HCRTR1: variants seen among roughly 807,000 people sequenced by gnomAD.
HCRTR1 encodes the protein orexin/Hypocretin receptor type 1.
HCRTR1 carries 28 observed loss-of-function variants against 40.6 expected under a neutral mutation model. The ratio of observed to expected loss-of-function variants is 0.69; its 90% confidence interval spans 0.51 to 0.95. The LOEUF (loss-of-function observed/expected upper bound fraction) is 0.95. HCRTR1 is among the 40% of genes least tolerant of loss of function. The pLI, the probability that HCRTR1 is intolerant of heterozygous loss-of-function variation, is 0.00. For synonymous variants in HCRTR1, 209 were observed against 230.0 expected, an observed-to-expected ratio of 0.91 and a Z score of 0.83; for missense variants, 482 against 564.7, an observed-to-expected ratio of 0.85 and a Z score of 1.48.
At position 31,620,983 on chromosome 1, in the gene HCRTR1, G is replaced by C. The variant is rs955871989; in HGVS notation, c.519G>C (p.Leu173=). 7.4e-6 allele frequency: 12 copies of C among 1,613,890 alleles called. No homozygotes were observed. The African/African-American group carries it at 8.0e-5, about 11-fold the overall frequency. Residue 173 remains leucine, a synonymous_variant, in exon 5 of 9, where the codon CTG becomes CTC. Coordinates refer to ENST00000403528, the MANE Select transcript of HCRTR1 (RefSeq NM_001525.3). The stretch of plus-strand genomic sequence containing the variant: ...TCCTGGGCATCTGGGCTGTGTCGCT[G>C]GCCATCATGGTGCCCCAGGCTGCAG... The part of the protein sequence containing the change: ...GSILGIWAVS[L]AIMVPQAAVM...
chr1:31,621,596 A>G lies in HCRTR1; in HGVS notation c.738+4A>G. 2 of 1,600,244 alleles carry G rather than the reference A, an allele frequency of 1.2e-6. No homozygotes were observed. Among genetic ancestry groups the G allele is most frequent in the Non-Finnish European group, 1.7e-6 (2 of 1,169,300 alleles). On this transcript the variant is annotated splice_donor_region_variant and intron_variant, in intron 6 of 8. Transcript: ENST00000403528. ...CCGCAAGCTCTGGGGCCGCCAGGTG[A>G]GGCCCACTCTGGGCAGGGGCTAGGC...
Position 31,627,008 on chromosome 1 carries a change from CG to C in HCRTR1, c.*33del. On this transcript the variant is annotated 3_prime_UTR_variant, in exon 9 of 9. Coordinates refer to ENST00000403528, the MANE Select transcript of HCRTR1 (RefSeq NM_001525.3). ...GAGGGCTGCCCTGGAGGCTCCGGCT[CG>C]GGGGATCTGCCCCTACCCCTCATGG... is the stretch of plus-strand genomic sequence containing the variant. 1.3e-6 allele frequency: 2 copies of C among 1,593,070 alleles called. No individual in the cohort carries two copies. The highest frequency in any genetic ancestry group is 8.5e-7 in the Non-Finnish European group (1 of 1,171,354).
downstream of HCRTR1, chr1:31,630,173 T>C (rs1640054572): frequency 3.3e-5 from 8 of 242,832 alleles, no homozygotes; most frequent in South Asian, 4.6e-4. Flanking sequence ...ATCTCTCTCA[T>C]GCTTGGTCAG....
downstream of HCRTR1, chr1:31,632,737 A>G (rs1046843582): frequency 3.8e-5 from 53 of 1,404,884 alleles, no homozygotes; most frequent in Middle Eastern, 2.5e-4. Flanking sequence ...TCCAGGCTGG[A>G]GTAGGCGACT....
At chr1:31,632,575 A>C (rs146809023), downstream of HCRTR1, 25 of 1,614,182 alleles carry the variant, frequency 1.5e-5, no homozygotes, top group African/African-American at 2.4e-4. Context: ...CTGCTGGATG[A>C]ATTTCCACAG....
rs1400464628 is a variant in HCRTR1 at position 31,619,559 on chromosome 1, A to G, written c.227A>G (p.His76Arg). Residue 76 changes from histidine to arginine, a missense_variant, in exon 4 of 9, where the codon CAC becomes CGC. Physicochemically the swap from His to Arg is conservative, Grantham distance 29. Transcript: ENST00000403528. ...LVCLAVWRNH[H>R]MRTVTNYFIV... ...TGCCTGGCCGTGTGGCGGAACCACC[A>G]CATGAGGACAGTCACCAACTACTTC... 4.3e-6 allele frequency: 7 copies of G among 1,614,006 alleles called. No individual in the cohort carries two copies. The highest frequency in any genetic ancestry group is 1.3e-5 in the African/African-American group (1 of 74,922).
chr1:31,630,607 G>A (rs367988776), downstream of HCRTR1: 18 of 1,611,686 alleles, frequency 1.1e-5, no homozygotes, highest in East Asian at 6.7e-5. Flanking sequence ...TCCACAGATG[G>A]TTGGGTCATA....
At chr1:31,633,880 G>A (rs1359739579), downstream of HCRTR1, among the ~76,000 whole-genome samples, 3 of 151,994 alleles carry the variant, frequency 2.0e-5, no homozygotes, top group South Asian at 2.1e-4. Flanking sequence ...GCTTGAACCC[G>A]GGAGGTGGAG....
downstream of HCRTR1, among the ~76,000 whole-genome samples, chr1:31,628,356 C>T (rs188861346): frequency 8.1e-4 from 123 of 152,336 alleles, no homozygotes; most frequent in African/African-American, 2.9e-3. Context: ...ACACGACTTA[C>T]CAGCCCAGCT....
Position 31,627,484 on chromosome 1 carries a change from A to C in HCRTR1, c.*504A>C. The C allele has an allele frequency of 3.1e-6, 2 of 646,964 alleles. No individual in the cohort carries two copies. Among genetic ancestry groups the C allele is most frequent in the Non-Finnish European group, 4.9e-6 (2 of 411,366 alleles). The allele number at this position is 646,964 out of a possible 1,614,324, so 40.1% of individuals were successfully genotyped here. ...GGGCCACGAGCACAGCCCCACCCTAACCAGGTGCCAAGGGCACACACCACA... is the reference window on the plus strand; with the variant it reads ...GGGCCACGAGCACAGCCCCACCCTACCCAGGTGCCAAGGGCACACACCACA... On this transcript the variant is annotated 3_prime_UTR_variant, in exon 9 of 9. Transcript: ENST00000403528.
rs200213795 is a variant in HCRTR1 at position 31,619,121 on chromosome 1, G to A, written c.-72G>A. 636 of 1,383,578 alleles carry A rather than the reference G, an allele frequency of 4.6e-4. 10 individuals are homozygous for A. In the South Asian group the frequency reaches 7.7e-3, roughly 17 times the overall value. 85.7% of individuals were successfully genotyped at this position (1,383,578 alleles called of 1,614,324 possible). ...GGCACCCTGAAGGGAGTGGGCTGAG[G>A]GCTGGCCCAAGCTCCCTCCTCTCCC... On this transcript the variant is annotated 5_prime_UTR_variant, in exon 3 of 9. Transcript: ENST00000403528.
At chr1:31,619,829 C>A in intron 4 of HCRTR1, 119 bp downstream of exon 4, 1 of 899,598 alleles carries the variant, frequency 1.1e-6, no homozygotes, top group Non-Finnish European at 1.6e-6. Flanking sequence ...GGCTCATGAC[C>A]CCTGAAGTGT....
At position 31,626,746 on chromosome 1, in the gene HCRTR1, T is replaced by C; in HGVS notation, c.1088-44T>C. The C allele has an allele frequency of 2.2e-6, 3 of 1,389,526 alleles. No homozygotes were observed. The highest frequency in any genetic ancestry group is 2.9e-6 in the Non-Finnish European group (3 of 1,039,050). 86.1% of individuals were successfully genotyped at this position (1,389,526 alleles called of 1,614,324 possible). ...CCCTGGGCTCAAGGCCCCTTCCTGC[T>C]GCATCTGTCTCCTTATGGCTGTGTC... On this transcript the variant is annotated intron_variant, in intron 8 of 8. Transcript: ENST00000403528. This position sits in a 1 kb window ranked among gnomAD's most constrained non-coding sequence, Gnocchi z 4.6.
At position 31,619,410 on chromosome 1, in the gene HCRTR1, CG is replaced by C. The variant is rs769825094; in HGVS notation, c.199+21del. ...ACGCTGGGTAGGTCCAGGGCTTGCCCGGCAGTGCTGCCGGCTTTCCCTGGGG... is the reference window on the plus strand; with the variant it reads ...ACGCTGGGTAGGTCCAGGGCTTGCCCGCAGTGCTGCCGGCTTTCCCTGGGG... On this transcript the variant is annotated intron_variant, in intron 3 of 8. Transcript: ENST00000403528. 2.5e-6 allele frequency: 4 copies of C among 1,613,722 alleles called. No individual in the cohort carries two copies. The Admixed American group carries it at 6.7e-5, about 27-fold the overall frequency.
In HCRTR1 at chr1:31,619,542, C is replaced by T. The variant is rs77293616; in HGVS notation, c.210C>T (p.Ala70=). 1,416 of 1,614,026 alleles carry T rather than the reference C, an allele frequency of 8.8e-4. 20 individuals carry two copies. The East Asian group carries it at 0.026, about 30-fold the overall frequency. The change falls in exon 4 of 9, where the codon GCC becomes GCT. Residue 70 remains alanine, a synonymous_variant. Transcript: ENST00000403528. ...CGCTGCACCCTGCAGTCTGCCTGGC[C>T]GTGTGGCGGAACCACCACATGAGGA... ...ALVGNTLVCL[A]VWRNHHMRTV...
chr1:31,634,456 TA>T (rs1232870626), downstream of HCRTR1, among the ~76,000 whole-genome samples: 3 of 152,286 alleles, frequency 2.0e-5, no homozygotes, highest in African/African-American at 7.2e-5. Context: ...TTAAATGAGA[TA>T]ACAGCAAAAT....
intron 4 of HCRTR1, 141 bp downstream of exon 4, chr1:31,619,851 G>A (rs1284000417): frequency 1.4e-6 from 1 of 731,750 alleles, no homozygotes; most frequent in African/African-American, 1.8e-5. Flanking sequence ...ATCCTCTGCT[G>A]CTAGCAAGGG....
downstream of HCRTR1, among the ~76,000 whole-genome samples, chr1:31,631,560 A>C (rs1255711556): frequency 1.3e-5 from 2 of 152,114 alleles, no homozygotes; most frequent in Non-Finnish European, 2.9e-5. Flanking sequence ...ACCTACACTA[A>C]ACCTCAGTTT....
At chr1:31,630,878 A>T, downstream of HCRTR1, 12 of 1,524,332 alleles carry the variant, frequency 7.9e-6, no homozygotes, top group Non-Finnish European at 9.8e-6. Flanking sequence ...GACACACAAA[A>T]ACCTGCCATG....
Sources: allele counts gnomAD v4.1 joint callset (sites outside exome capture counted in the v4.1 genomes callset), GRCh38; gene constraint gnomAD v4.1.1; non-coding constraint Gnocchi (gnomAD v3.1); transcripts MANE v1.5; gene names NCBI Gene and HGNC (gene_info 2026-07-23, HGNC 2026-07-21).